Variants in BPIFB1 observed in about 807,000 individuals in gnomAD.
BPIFB1 encodes the protein BPI fold containing family B member 1.
Under a neutral mutation model 55.1 loss-of-function variants are expected in BPIFB1, and 34 were observed. The ratio of observed to expected loss-of-function variants is 0.62; its 90% CI spans 0.47 to 0.82. The LOEUF is 0.82. Among genes scored for constraint, BPIFB1 ranks in the 40% least tolerant of loss-of-function variants. The pLI is 0.00. For synonymous variants in BPIFB1, 236 were observed against 245.3 expected, an observed-to-expected ratio of 0.96 and a Z score of 0.35; for missense variants, 532 against 593.1, an observed-to-expected ratio of 0.90 and a Z score of 1.07.
chr20:33,289,575 G>T (rs76449679), intron 3 of BPIFB1, among the ~76,000 whole-genome samples: 51 of 152,204 alleles, frequency 3.4e-4, no homozygotes, highest in Non-Finnish European at 4.0e-4. Context: ...AGTGACAGTC[G>T]GTCAGAATGG....
intron 15 of BPIFB1, chr20:33,307,214 T>C: frequency 4.5e-6 from 2 of 446,828 alleles, no homozygotes; most frequent in South Asian, 6.6e-5. Context: ...CCCCTTGTCA[T>C]TCATTCATTC....
At chr20:33,289,395 C>CAAAAAAAAAAAAAAAAAA (rs1267786219) in intron 3 of BPIFB1, among the ~76,000 whole-genome samples, 1 of 105,830 alleles carries the variant, frequency 9.4e-6, no homozygotes. Context: ...AAAAAAAAAA[C>CAAAAAAAAAAAAAAAAAA]AAAAAAAAAA....
chr20:33,285,453 C>T (rs112604298), intron 1 of BPIFB1, among the ~76,000 whole-genome samples: 103 of 151,454 alleles, frequency 6.8e-4, no homozygotes, highest in African/African-American at 2.4e-3. Context: ...GTGGCTCACG[C>T]CTGTAATCCC....
At chr20:33,287,031 G>A (rs1395239770) in intron 2 of BPIFB1, among the ~76,000 whole-genome samples, 1 of 152,218 alleles carries the variant, frequency 6.6e-6, no homozygotes, top group African/African-American at 2.4e-5. Context: ...GGCAGGGGCA[G>A]GTCCTGTGGG....
chr20:33,305,564 G>A (rs1042134482), intron 13 of BPIFB1, among the ~76,000 whole-genome samples: 2 of 151,958 alleles, frequency 1.3e-5, no homozygotes, highest in Admixed American at 6.5e-5. Context: ...TGATCTGCCC[G>A]CCTTGGCCTC....
At chr20:33,301,663 T>A (rs959315779) in intron 9 of BPIFB1, among the ~76,000 whole-genome samples, 13 of 152,196 alleles carry the variant, frequency 8.5e-5, no homozygotes, top group Non-Finnish European at 1.6e-4. Context: ...AACAGTCTCG[T>A]GAAATCAAAA....
intron 15 of BPIFB1, 74 bp downstream of exon 15, chr20:33,307,061 G>A: frequency 7.2e-7 from 1 of 1,395,804 alleles, no homozygotes; most frequent in Non-Finnish European, 1.0e-6. Flanking sequence ...GGGAGGTGGG[G>A]CCTGCACTCC....
rs1980251991 is a variant in BPIFB1 at position 33,285,942 on chromosome 20, C to T, written c.-41-91C>T. On this transcript the variant is annotated intron_variant, in intron 1 of 15. Coordinates refer to ENST00000253354, the MANE Select transcript of BPIFB1 (RefSeq NM_033197.3). Reference sequence around the variant, plus strand: ...CCAGGCAGTTAAACACTGCACTCAACAGCCTCTCCTGGACACCGTGCCCCA... The same window carrying T: ...CCAGGCAGTTAAACACTGCACTCAATAGCCTCTCCTGGACACCGTGCCCCA... 9 of 748,816 alleles carry T rather than the reference C, an allele frequency of 1.2e-5. No homozygotes were observed. The South Asian group carries it at 1.3e-4, about 11-fold the overall frequency. 46.4% of individuals were successfully genotyped at this position (748,816 alleles called of 1,614,324 possible).
Position 33,288,643 on chromosome 20 carries a change from G to T in BPIFB1, c.116-98G>T, listed in dbSNP as rs1980347182. On this transcript the variant is annotated intron_variant, in intron 2 of 15. Transcript: ENST00000253354. ...ATGGCTACACCCTCGCCTTACCTCA[G>T]GGAGCCTCGAGTGATACCCCTCCCC... 3 of 1,444,380 alleles carry T rather than the reference G, an allele frequency of 2.1e-6. No homozygotes were observed. In the South Asian group the frequency reaches 3.9e-5, roughly 19 times the overall value. 89.5% of individuals were successfully genotyped at this position (1,444,380 alleles called of 1,614,324 possible). A position where few individuals can be genotyped will look rare whatever the true frequency, so the allele number is the denominator to read the frequency against.
At position 33,306,939 on chromosome 20, in the gene BPIFB1, A is replaced by T; in HGVS notation, c.1347A>T (p.Ser449=). 1 of 1,614,192 alleles carries T rather than the reference A, an allele frequency of 6.2e-7. No homozygotes were observed. Among genetic ancestry groups the T allele is most frequent in the Non-Finnish European group, 8.5e-7 (1 of 1,179,990 alleles). ...AATTAAGATCTGGGGTCCCAGTGTC[A>T]TTGGTGAAGGCCTTGGGATTCGAGG... ...NGKLRSGVPV[S]LVKALGFEAA... Residue 449 remains serine, a synonymous_variant, in exon 15 of 16, where the codon TCA becomes TCT. Transcript: ENST00000253354.
chr20:33,302,781 CAAG>C (rs1006690415), intron 10 of BPIFB1, 132 bp from the exon 11 acceptor site: 89 of 972,638 alleles, frequency 9.2e-5, no homozygotes, highest in Non-Finnish European at 1.3e-4. Context: ...CAAGGATCTG[CAAG>C]AAGGACAGGG....
intron 7 of BPIFB1, 53 bp from the exon 8 acceptor site, chr20:33,299,846 C>A: frequency 6.6e-7 from 1 of 1,514,708 alleles, no homozygotes; most frequent in Non-Finnish European, 9.2e-7. Context: ...CCCAACTTCC[C>A]CCTCCAATAC....
At chr20:33,308,405 G>A (rs1981103815) in intron 15 of BPIFB1, among the ~76,000 whole-genome samples, 1 of 152,010 alleles carries the variant, frequency 6.6e-6, no homozygotes, top group Non-Finnish European at 1.5e-5. Context: ...AACATCCAAG[G>A]CAGGTAACCT....
At chr20:33,297,438 G>A (rs914113660) in intron 6 of BPIFB1, 87 bp from the exon 7 acceptor site, 1 of 1,430,196 alleles carries the variant, frequency 7.0e-7, no homozygotes, top group Non-Finnish European at 9.8e-7. Flanking sequence ...TAGGACACAG[G>A]CCAGGTGGGC....
At chr20:33,295,646 A>AAAGAAAGACAGAG (rs1980616064) in intron 6 of BPIFB1, among the ~76,000 whole-genome samples, 1 of 132,772 alleles carries the variant, frequency 7.5e-6, no homozygotes, top group African/African-American at 4.1e-5. Flanking sequence ...AAGAGAGAAG[A>AAAGAAAGACAGAG]AGAAAGAAAG....
At chr20:33,298,240 G>C (rs1980718026) in intron 7 of BPIFB1, among the ~76,000 whole-genome samples, 1 of 152,130 alleles carries the variant, frequency 6.6e-6, no homozygotes, top group South Asian at 2.1e-4. Flanking sequence ...ATTAAAGCAT[G>C]GGTTAAAAAC....
chr20:33,287,682 AG>A (rs1231568307), intron 2 of BPIFB1, among the ~76,000 whole-genome samples: 1 of 152,182 alleles, frequency 6.6e-6, no homozygotes. Flanking sequence ...TAGTGGGTGG[AG>A]AACTACCTGC....
chr20:33,303,773 G>A (rs1176799207), intron 11 of BPIFB1, among the ~76,000 whole-genome samples, 185 bp from the exon 12 acceptor site: 1 of 152,108 alleles, frequency 6.6e-6, no homozygotes, highest in Non-Finnish European at 1.5e-5. Flanking sequence ...CTGTTAAATG[G>A]GGAGTGGAGG....
At chr20:33,297,392 C>A in intron 6 of BPIFB1, 133 bp from the exon 7 acceptor site, 1 of 910,822 alleles carries the variant, frequency 1.1e-6, no homozygotes, top group Non-Finnish European at 1.7e-6. Flanking sequence ...AATCCTCAAC[C>A]CATGGATGGA....
Sources: allele counts gnomAD v4.1 joint callset (sites outside exome capture counted in the v4.1 genomes callset), GRCh38; gene constraint gnomAD v4.1.1; transcripts MANE v1.5; gene names NCBI Gene and HGNC (gene_info 2026-07-23, HGNC 2026-07-21).